The following PAPPA variants were observed in gnomAD, a reference collection of about 807,000 sequenced individuals.
PAPPA encodes the protein pappalysin 1, also known as pappalysin-1.
In PAPPA, 60 loss-of-function variants were observed where a neutral mutation model predicts 164.0. The observed-to-expected ratio is 0.37, with a 90% CI of 0.30 to 0.45. The LOEUF (loss-of-function observed/expected upper bound fraction) is 0.45, where lower values mean the gene tolerates loss of function less well. PAPPA is among the 20% of genes least tolerant of loss of function. The pLI, the probability that PAPPA is intolerant of heterozygous loss-of-function variation, is 1.00. For missense variants in PAPPA, 1,782 were observed against 2,087.3 expected, an observed-to-expected ratio of 0.85 and a Z score of 2.85; for synonymous variants, 875 against 814.1, an observed-to-expected ratio of 1.07 and a Z score of -1.27.
intron 1 of PAPPA, among the ~76,000 whole-genome samples, chr9:116,166,409 C>G (rs1006581059): frequency 6.6e-6 from 1 of 152,266 alleles, no homozygotes; most frequent in African/African-American, 2.4e-5. Context: ...CCCTCTCTCC[C>G]CCTTATCAGT....
chr9:116,207,190 C>T (rs1452423789), intron 2 of PAPPA, among the ~76,000 whole-genome samples: 2 of 152,114 alleles, frequency 1.3e-5, no homozygotes, highest in Non-Finnish European at 2.9e-5. Flanking sequence ...GTTCTCTAAG[C>T]CTCTGGAGAT....
intron 17 of PAPPA, among the ~76,000 whole-genome samples, chr9:116,357,856 T>C (rs1220259359): frequency 1.3e-5 from 2 of 152,082 alleles, no homozygotes; most frequent in African/African-American, 2.4e-5. Flanking sequence ...CACCTAATGA[T>C]GGATTTCAGC....
chr9:116,210,788 G>T (rs1844296544), intron 3 of PAPPA, among the ~76,000 whole-genome samples: 1 of 152,132 alleles, frequency 6.6e-6, no homozygotes, highest in Admixed American at 6.5e-5. Context: ...GCTTCTGTAG[G>T]TCTGGGGTGA....
intron 7 of PAPPA, among the ~76,000 whole-genome samples, chr9:116,264,130 ATCC>A (rs1845036716): frequency 6.6e-6 from 1 of 152,156 alleles, no homozygotes; most frequent in African/African-American, 2.4e-5. Context: ...AACTTTGTGT[ATCC>A]CCTGGGATTG....
intron 17 of PAPPA, among the ~76,000 whole-genome samples, chr9:116,360,704 T>C (rs1249762984): frequency 6.6e-6 from 1 of 152,224 alleles, no homozygotes; most frequent in African/African-American, 2.4e-5. Context: ...TCACCCCATC[T>C]TTTCGTAAAC....
intron 21 of PAPPA, among the ~76,000 whole-genome samples, chr9:116,390,821 A>G (rs1846881645): frequency 6.6e-6 from 1 of 152,090 alleles, no homozygotes; most frequent in African/African-American, 2.4e-5. Context: ...ATCATTATCA[A>G]TGTTATTACC....
At chr9:116,260,004 A>G (rs996108253) in intron 7 of PAPPA, among the ~76,000 whole-genome samples, 1 of 152,248 alleles carries the variant, frequency 6.6e-6, no homozygotes, top group Non-Finnish European at 1.5e-5. Flanking sequence ...AATACGCCAG[A>G]TCTACTTGTA....
At position 116,187,785 on chromosome 9, in the gene PAPPA, G is replaced by A; in HGVS notation, c.1047G>A (p.Gln349=). 1 of 1,614,146 alleles carries A rather than the reference G, an allele frequency of 6.2e-7. No homozygotes were observed. Among genetic ancestry groups the A allele is most frequent in the East Asian group, 2.2e-5 (1 of 44,890 alleles). ...ACAATCAGCTCTCAAGTTTCCGCCA[G>A]CCCAAGGTGGTGCGCTACCGCGTGG... The part of the protein sequence containing the change: ...ASYNQLSSFR[Q]PKVVRYRVVN... Residue 349 remains glutamine, a synonymous_variant, in exon 2 of 22, where the codon CAG becomes CAA. Coordinates refer to ENST00000328252, the MANE Select transcript of PAPPA (RefSeq NM_002581.5). The surrounding 1 kb of genome is among the most constrained non-coding windows in gnomAD (Gnocchi z 4.2).
At chr9:116,287,014 A>G (rs1246372814) in intron 9 of PAPPA, 4 of 152,228 alleles carry the variant, frequency 2.6e-5, no homozygotes, top group Non-Finnish European at 2.9e-5. Context: ...ATCATAGGGC[A>G]TCCGAGAGAG....
chr9:116,323,447 A>T (rs192934668), intron 10 of PAPPA, among the ~76,000 whole-genome samples: 1 of 152,310 alleles, frequency 6.6e-6, no homozygotes, highest in Non-Finnish European at 1.5e-5. Flanking sequence ...TGGAGTAAGA[A>T]TTTCTGAGGA....
At chr9:116,283,908 C>G (rs1845298432) in intron 9 of PAPPA, among the ~76,000 whole-genome samples, 1 of 152,262 alleles carries the variant, frequency 6.6e-6, no homozygotes, top group African/African-American at 2.4e-5. Context: ...TTGACCAGCC[C>G]CGAAGCACAA....
intron 1 of PAPPA, among the ~76,000 whole-genome samples, chr9:116,170,348 C>G (rs1379930392): frequency 1.3e-5 from 2 of 151,902 alleles, no homozygotes; most frequent in African/African-American, 4.8e-5. Context: ...CCTTTTTTTC[C>G]TCTGAGGAAG....
intron 12 of PAPPA, 88 bp from the exon 13 acceptor site, chr9:116,334,772 TG>T: frequency 1.1e-6 from 1 of 896,478 alleles, no homozygotes; most frequent in Non-Finnish European, 1.8e-6. Flanking sequence ...TGAAAGGGTC[TG>T]GGGGCTTCGG....
intron 7 of PAPPA, among the ~76,000 whole-genome samples, chr9:116,250,013 ATGTGTGTGTGTG>A (rs67162181): frequency 4.5e-4 from 65 of 143,644 alleles, no homozygotes; most frequent in African/African-American, 1.3e-3. Flanking sequence ...GTACCTGCAT[ATGTGTGTGTGTG>A]TGTGTGTGTG....
intron 9 of PAPPA, among the ~76,000 whole-genome samples, chr9:116,283,695 A>C (rs1051419290): frequency 6.6e-6 from 1 of 152,232 alleles, no homozygotes; most frequent in African/African-American, 2.4e-5. Context: ...AAATTTAACT[A>C]TCAGCCGCCA....
intron 1 of PAPPA, among the ~76,000 whole-genome samples, chr9:116,168,565 G>A (rs929148288): frequency 6.6e-6 from 1 of 152,206 alleles, no homozygotes; most frequent in African/African-American, 2.4e-5. Flanking sequence ...GGAAGGATTG[G>A]GGACTTGTTC....
At chr9:116,331,219 T>G in intron 10 of PAPPA, 25 bp from the exon 11 acceptor site, 1 of 1,369,522 alleles carries the variant, frequency 7.3e-7, no homozygotes, top group Non-Finnish European at 1.0e-6. Flanking sequence ...TAAAACATGA[T>G]TATTTTTTCT....
At chr9:116,281,912 G>A (rs1268136371) in intron 9 of PAPPA, among the ~76,000 whole-genome samples, 1 of 152,118 alleles carries the variant, frequency 6.6e-6, no homozygotes. Context: ...CTTTACACGA[G>A]GAGAAGTTCA....
intron 20 of PAPPA, among the ~76,000 whole-genome samples, chr9:116,381,916 C>T (rs2118699475): frequency 6.6e-6 from 1 of 152,282 alleles, no homozygotes; most frequent in South Asian, 2.1e-4. Flanking sequence ...CCTATGAGTT[C>T]TTACATTTTA....
Sources: allele counts gnomAD v4.1 joint callset (sites outside exome capture counted in the v4.1 genomes callset), GRCh38; gene constraint gnomAD v4.1.1; non-coding constraint Gnocchi (gnomAD v3.1); transcripts MANE v1.5; gene names NCBI Gene and HGNC (gene_info 2026-07-23, HGNC 2026-07-21).